PAK5: variants seen among roughly 807,000 people sequenced by gnomAD.
The protein encoded by PAK5 is p21 (RAC1) activated kinase 5.
In PAK5, 16 loss-of-function variants were observed where a neutral mutation model predicts 65.9. The observed-to-expected ratio is 0.24, with a 90% CI of 0.16 to 0.37. The LOEUF (loss-of-function observed/expected upper bound fraction) is 0.37. Among genes scored for constraint, PAK5 ranks in the 10% least tolerant of loss-of-function variants. PAK5 has a pLI of 1.00. For synonymous variants in PAK5, 371 were observed against 354.9 expected, an observed-to-expected ratio of 1.05 and a Z score of -0.51; for missense variants, 785 against 903.9, an observed-to-expected ratio of 0.87 and a Z score of 1.69.
chr20:9,829,228 A>C (rs1978517098), intron 1 of PAK5, among the ~76,000 whole-genome samples: 1 of 152,230 alleles, frequency 6.6e-6, no homozygotes, highest in Admixed American at 6.5e-5. Context: ...TTCCCTTTTC[A>C]TGAGGAAATC....
chr20:9,734,758 A>G (rs1050294843), intron 1 of PAK5, among the ~76,000 whole-genome samples: 5 of 152,200 alleles, frequency 3.3e-5, no homozygotes, highest in Non-Finnish European at 7.3e-5. Flanking sequence ...ATCTTAATAA[A>G]GTCGTCTAGC....
intron 3 of PAK5, among the ~76,000 whole-genome samples, chr20:9,629,337 T>G (rs747100540): frequency 1.3e-5 from 2 of 152,222 alleles, no homozygotes; most frequent in African/African-American, 4.8e-5. Context: ...GGAACTGCTA[T>G]AGCAAATACC....
rs1979372707 is a variant in PAK5 at position 9,838,889 on chromosome 20, A to AG, written c.-290dup. On this transcript the variant is annotated 5_prime_UTR_variant, in exon 1 of 10. The change abolishes the stop of an existing upstream ORF in the 5' untranslated region. Transcript: ENST00000353224. The surrounding 1 kb of genome is among the most constrained non-coding windows in gnomAD (Gnocchi z 4.5). The stretch of plus-strand genomic sequence containing the variant: ...AACTACTACTGGCTGGGTAGGGGCA[A>AG]GGGGGGCGGGGGCCAGCGGGAGGGG... 1 of 140,404 alleles carries AG rather than the reference A, an allele frequency of 7.1e-6. No individual in the cohort carries two copies. Among genetic ancestry groups the AG allele is most frequent in the African/African-American group, 2.6e-5 (1 of 39,202 alleles). The allele number at this position is 140,404 out of a possible 1,614,324, so 8.7% of individuals were successfully genotyped here. A position where few individuals can be genotyped will look rare whatever the true frequency, so the allele number is the denominator to read the frequency against.
chr20:9,758,288 G>A (rs2048658618), intron 1 of PAK5, among the ~76,000 whole-genome samples: 1 of 152,090 alleles, frequency 6.6e-6, no homozygotes, highest in Admixed American at 6.6e-5. Context: ...ACTATTAACA[G>A]AAGTATAGAA....
intron 1 of PAK5, among the ~76,000 whole-genome samples, chr20:9,799,938 C>CAAAAAAAAAA (rs1215635117): frequency 3.7e-4 from 7 of 18,978 alleles, no homozygotes; most frequent in Non-Finnish European, 6.4e-4. Context: ...GACTCTGTCT[C>CAAAAAAAAAA]CAAAAAAAAA....
At chr20:9,756,314 T>C (rs1462824426) in intron 1 of PAK5, among the ~76,000 whole-genome samples, 1 of 152,154 alleles carries the variant, frequency 6.6e-6, no homozygotes, top group Non-Finnish European at 1.5e-5. Context: ...GAGCCAAAAA[T>C]GTATCTACGT....
intron 1 of PAK5, among the ~76,000 whole-genome samples, chr20:9,829,455 C>T (rs1475151363): frequency 6.6e-6 from 1 of 152,120 alleles, no homozygotes; most frequent in South Asian, 2.1e-4. Flanking sequence ...CTTGAGTGAC[C>T]TATTTTATGG....
At chr20:9,791,324 G>A (rs2049047885) in intron 1 of PAK5, among the ~76,000 whole-genome samples, 2 of 152,006 alleles carry the variant, frequency 1.3e-5, no homozygotes, top group Admixed American at 6.6e-5. Context: ...TCACAAATAT[G>A]TTCCACCTTC....
intron 3 of PAK5, among the ~76,000 whole-genome samples, chr20:9,630,086 T>C (rs746953353): frequency 2.9e-4 from 44 of 152,204 alleles, no homozygotes; most frequent in Non-Finnish European, 1.3e-4. Flanking sequence ...AGGAACCCTC[T>C]GGTTTCTTCT....
chr20:9,689,665 T>C (rs192872564), intron 2 of PAK5, among the ~76,000 whole-genome samples: 44 of 152,340 alleles, frequency 2.9e-4, no homozygotes, highest in Non-Finnish European at 1.0e-4. Flanking sequence ...ACTAGATAAA[T>C]AGATTATTCA....
chr20:9,688,024 G>A (rs2047743404), intron 2 of PAK5, among the ~76,000 whole-genome samples: 1 of 152,010 alleles, frequency 6.6e-6, no homozygotes, highest in Admixed American at 6.6e-5. Context: ...GATTGGCGAT[G>A]GTGGGGGCAG....
At chr20:9,617,250 C>T (rs1017823473) in intron 3 of PAK5, among the ~76,000 whole-genome samples, 5 of 152,086 alleles carry the variant, frequency 3.3e-5, no homozygotes, top group Non-Finnish European at 7.4e-5. Context: ...AGGTGGCGCC[C>T]GTGTACTTTT....
chr20:9,613,640 A>G (rs1403215777), intron 3 of PAK5, among the ~76,000 whole-genome samples: 2 of 152,244 alleles, frequency 1.3e-5, no homozygotes, highest in African/African-American at 4.8e-5. Context: ...CCTTCCCTCA[A>G]TAGAAATCAC....
chr20:9,765,493 T>C (rs1409116001), intron 1 of PAK5, among the ~76,000 whole-genome samples: 3 of 152,098 alleles, frequency 2.0e-5, no homozygotes, highest in Admixed American at 2.0e-4. Context: ...GTGAAAATGT[T>C]AGCTATTTTC....
chr20:9,569,112 G>A (rs952033857), intron 4 of PAK5, among the ~76,000 whole-genome samples: 1 of 152,186 alleles, frequency 6.6e-6, no homozygotes, highest in African/African-American at 2.4e-5. Context: ...GTAAATGTTT[G>A]TTATTTAAAG....
At chr20:9,539,711 A>G in intron 9 of PAK5, 94 bp from the exon 10 acceptor site, 1 of 978,542 alleles carries the variant, frequency 1.0e-6, no homozygotes. Context: ...CAACAACTTC[A>G]AATTCCAGAA....
intron 2 of PAK5, among the ~76,000 whole-genome samples, chr20:9,659,253 G>T (rs1260547000): frequency 6.6e-6 from 1 of 152,138 alleles, no homozygotes; most frequent in Non-Finnish European, 1.5e-5. Context: ...CAATCTTCAA[G>T]AATATAAAAA....
chr20:9,785,555 G>A (rs1345763033), intron 1 of PAK5, among the ~76,000 whole-genome samples: 2 of 152,114 alleles, frequency 1.3e-5, no homozygotes, highest in Admixed American at 6.6e-5. Context: ...GTCTCCAAGT[G>A]AAGATAAAGT....
chr20:9,768,807 A>T (rs1266630473), intron 1 of PAK5, among the ~76,000 whole-genome samples: 2 of 145,714 alleles, frequency 1.4e-5, no homozygotes, highest in Non-Finnish European at 3.0e-5. Flanking sequence ...AAAAAAAAAA[A>T]AAAGGGAAAG....
Sources: gnomAD v4.1 joint callset for allele counts (sites outside exome capture counted in the v4.1 genomes callset) on GRCh38, gnomAD v4.1.1 for gene constraint, Gnocchi (gnomAD v3.1) non-coding constraint, MANE v1.5 for transcripts, NCBI Gene and HGNC (gene_info 2026-07-23, HGNC 2026-07-21) for gene names.